Variants in NFIB observed in about 807,000 individuals in gnomAD.
NFIB encodes the protein nuclear factor I B.
Under a neutral mutation model 61.5 loss-of-function variants are expected in NFIB, and 11 were observed. That is an observed-to-expected ratio of 0.18 (90% CI 0.11 to 0.30). NFIB has a LOEUF of 0.30. NFIB is among the 10% of genes least tolerant of loss of function. The probability of loss-of-function intolerance (pLI) is 1.00; values close to 1 mark genes in which losing one functional copy is unlikely to be tolerated. For synonymous variants in NFIB, 260 were observed against 216.5 expected (o/e 1.20, Z -1.76); for missense variants, 471 against 608.9 (o/e 0.77, Z 2.38).
chr9:14,204,465 G>T (rs556171178), intron 2 of NFIB: 6 of 1,034,310 alleles, frequency 5.8e-6, no homozygotes, highest in Non-Finnish European at 9.0e-6. Context: ...CTCTATAAGC[G>T]ACTGAAAATG....
chr9:14,404,392 T>G, the NFIB span, among the ~76,000 whole-genome samples: 1 of 152,308 alleles, frequency 6.6e-6, no homozygotes, highest in South Asian at 2.1e-4. Flanking sequence ...AAAGCAAACC[T>G]TCAGAAATCT....
intron 1 of NFIB, among the ~76,000 whole-genome samples, chr9:14,340,256 A>G (rs921806099): frequency 1.1e-4 from 17 of 152,204 alleles, no homozygotes; most frequent in Admixed American, 2.0e-4. Flanking sequence ...TTGTGTCTTC[A>G]GCAAACTGTC....
chr9:14,321,948 C>G (rs999129776), intron 1 of NFIB: 1 of 1,231,382 alleles, frequency 8.1e-7, no homozygotes, highest in Non-Finnish European at 1.0e-6. Context: ...TACCATCGCA[C>G]TGTATTGCAT....
At chr9:14,112,273 G>A (rs1419810978) in intron 10 of NFIB, among the ~76,000 whole-genome samples, 1 of 152,150 alleles carries the variant, frequency 6.6e-6, no homozygotes, top group African/African-American at 2.4e-5. Context: ...CTAGAATCGT[G>A]GGATTTCTAC....
In NFIB at chr9:14,105,946, G is replaced by C. The variant is rs1023265397; in HGVS notation, c.1467+7053C>G. Among the ~76,000 whole-genome samples, 5 of 152,062 alleles carry C rather than the reference G, an allele frequency of 3.3e-5. No homozygotes were observed. In the East Asian group the frequency reaches 7.7e-4, roughly 23 times the overall value. Reference sequence around the variant, plus strand: ...ATTCCTTAGTTTCTGTCCTGTGACAGAATCAGTGTTAGGTAATTCAGCTGT... The same window carrying C: ...ATTCCTTAGTTTCTGTCCTGTGACACAATCAGTGTTAGGTAATTCAGCTGT... On this transcript the variant is annotated intron_variant, in intron 10 of 10. Transcript: ENST00000380953.
intron 2 of NFIB, among the ~76,000 whole-genome samples, chr9:14,209,379 T>C (rs906891155): frequency 2.0e-5 from 3 of 152,208 alleles, no homozygotes; most frequent in African/African-American, 7.2e-5. Context: ...TAGAAGGCAA[T>C]TGCTAGAGAA....
chr9:14,416,873 T>G, the NFIB span, among the ~76,000 whole-genome samples: 4 of 149,796 alleles, frequency 2.7e-5, no homozygotes, highest in African/African-American at 1.0e-4. Flanking sequence ...AAGAGCCCTG[T>G]ATAGGTATAC....
chr9:14,499,028 G>A, the NFIB span, among the ~76,000 whole-genome samples: 15 of 142,270 alleles, frequency 1.1e-4, no homozygotes, highest in Non-Finnish European at 1.6e-4. Flanking sequence ...ACATGTGCAC[G>A]TGTGTGTGTG....
At chr9:14,159,199 A>G (rs780383814) in intron 3 of NFIB, among the ~76,000 whole-genome samples, 1 of 152,200 alleles carries the variant, frequency 6.6e-6, no homozygotes, top group African/African-American at 2.4e-5. Flanking sequence ...TATTGCAGCT[A>G]TTCACAGAAA....
At chr9:14,516,313 G>T in the NFIB span, among the ~76,000 whole-genome samples, 1 of 152,178 alleles carries the variant, frequency 6.6e-6, no homozygotes, top group Non-Finnish European at 1.5e-5. Context: ...TTTAAGGTTT[G>T]CCCAGTGTGT....
intron 2 of NFIB, among the ~76,000 whole-genome samples, chr9:14,238,007 A>G (rs1563932995): frequency 6.6e-6 from 1 of 151,992 alleles, no homozygotes; most frequent in Non-Finnish European, 1.5e-5. Context: ...ATGAATATGA[A>G]ATATGTGAGG....
chr9:14,477,807 T>C, the NFIB span, among the ~76,000 whole-genome samples: 1 of 152,200 alleles, frequency 6.6e-6, no homozygotes, highest in Non-Finnish European at 1.5e-5. Flanking sequence ...GTTGTTATCA[T>C]TGGGTTCTTT....
intron 2 of NFIB, among the ~76,000 whole-genome samples, chr9:14,199,377 C>T (rs1304148958): frequency 6.6e-6 from 1 of 152,176 alleles, no homozygotes; most frequent in African/African-American, 2.4e-5. Context: ...GAAAGCCCAG[C>T]TAATTGGCAA....
intron 4 of NFIB, among the ~76,000 whole-genome samples, chr9:14,154,424 T>C (rs2043171323): frequency 6.6e-6 from 1 of 152,174 alleles, no homozygotes; most frequent in African/African-American, 2.4e-5. Context: ...ACCCCTGTCT[T>C]ACCTGATGCT....
the NFIB span, among the ~76,000 whole-genome samples, chr9:14,416,265 T>C: frequency 2.6e-5 from 4 of 152,196 alleles, no homozygotes; most frequent in African/African-American, 9.7e-5. Flanking sequence ...TTTATTGTTA[T>C]TTTAGAGTAT....
At chr9:14,156,261 C>T (rs2043390772) in intron 3 of NFIB, among the ~76,000 whole-genome samples, 1 of 152,072 alleles carries the variant, frequency 6.6e-6, no homozygotes, top group African/African-American at 2.4e-5. Flanking sequence ...AAAAAGGAAA[C>T]CACAACCACA....
chr9:14,228,723 G>A (rs1411814779), intron 2 of NFIB, among the ~76,000 whole-genome samples: 1 of 152,130 alleles, frequency 6.6e-6, no homozygotes, highest in East Asian at 1.9e-4. Flanking sequence ...ACGTAAGAAA[G>A]GATCTGACTG....
At chr9:14,483,708 G>T in the NFIB span, among the ~76,000 whole-genome samples, 1 of 152,204 alleles carries the variant, frequency 6.6e-6, no homozygotes, top group African/African-American at 2.4e-5. Context: ...TCTAAGAGTA[G>T]CACTATCTTT....
intron 10 of NFIB, among the ~76,000 whole-genome samples, chr9:14,099,294 T>C (rs1340684438): frequency 6.6e-6 from 1 of 152,214 alleles, no homozygotes; most frequent in African/African-American, 2.4e-5. Context: ...GGCAAATTAT[T>C]TAATTCTTTG....
Sources: allele counts gnomAD v4.1 joint callset (sites outside exome capture counted in the v4.1 genomes callset), GRCh38; gene constraint gnomAD v4.1.1; transcripts MANE v1.5; gene names NCBI Gene and HGNC (gene_info 2026-07-23, HGNC 2026-07-21).